Variants in LAMB4 observed in about 807,000 individuals in gnomAD.
LAMB4 encodes laminin subunit beta-4.
In LAMB4, 196 loss-of-function variants were observed where a neutral mutation model predicts 199.2. That is an observed-to-expected ratio of 0.98 (90% CI 0.88 to 1.11). LAMB4 has a LOEUF of 1.11. Among genes scored for constraint, LAMB4 ranks in the 50% least tolerant of loss-of-function variants. LAMB4 has a pLI of 0.00. For synonymous variants in LAMB4, 744 were observed against 770.6 expected, an observed-to-expected ratio of 0.97 and a Z score of 0.57; for missense variants, 2,080 against 2,171.2, an observed-to-expected ratio of 0.96 and a Z score of 0.83.
chr7:108,045,438 G>A (rs2035584974), intron 28 of LAMB4, among the ~76,000 whole-genome samples: 1 of 152,150 alleles, frequency 6.6e-6, no homozygotes, highest in African/African-American at 2.4e-5. Flanking sequence ...GAGGAAAATA[G>A]CACACCATTT....
chr7:108,031,005 G>A (rs2035009544), intron 31 of LAMB4, 26 bp from the exon 32 acceptor site: 1 of 1,595,576 alleles, frequency 6.3e-7, no homozygotes, highest in Non-Finnish European at 8.6e-7. Flanking sequence ...AGACCAAAAA[G>A]GGAAAATCTC....
chr7:108,054,853 G>T (rs766972861), intron 25 of LAMB4, among the ~76,000 whole-genome samples: 2 of 152,008 alleles, frequency 1.3e-5, no homozygotes, highest in East Asian at 1.9e-4. Context: ...CTCAACAAAT[G>T]GTTAAATTTT....
intron 2 of LAMB4, among the ~76,000 whole-genome samples, chr7:108,120,651 T>A (rs1221026091): frequency 6.6e-6 from 1 of 152,254 alleles, no homozygotes; most frequent in Non-Finnish European, 1.5e-5. Context: ...GGAATTGGTA[T>A]CTAGGATAAA....
At chr7:108,110,871 C>T (rs1162679603) in intron 4 of LAMB4, among the ~76,000 whole-genome samples, 1 of 152,156 alleles carries the variant, frequency 6.6e-6, no homozygotes, top group Non-Finnish European at 1.5e-5. Flanking sequence ...AATCATTGGT[C>T]AAGTGGATGA....
chr7:108,070,951 A>T (rs1459075109), intron 17 of LAMB4, among the ~76,000 whole-genome samples: 2 of 152,158 alleles, frequency 1.3e-5, no homozygotes, highest in Non-Finnish European at 2.9e-5. Flanking sequence ...CTGCCTCCCA[A>T]ATTCCAGGCT....
chr7:108,059,268 G>C (rs904664999), intron 23 of LAMB4, among the ~76,000 whole-genome samples: 19 of 151,908 alleles, frequency 1.3e-4, no homozygotes, highest in Admixed American at 7.9e-4. Flanking sequence ...ACCATGCCTG[G>C]CTAATTTTTT....
chr7:108,062,994 C>A lies in LAMB4; in HGVS notation c.3062G>T (p.Arg1021Ile). The change falls in exon 23 of 34, where the codon AGA (arginine) becomes ATA (isoleucine). Residue 1021 changes from arginine to isoleucine, a missense_variant and splice_region_variant. Arg to Ile is a moderately conservative substitution (Grantham distance 97). Coordinates refer to ENST00000388781, the MANE Select transcript of LAMB4 (RefSeq NM_007356.3). ...CACGCCGGAAGCATGGCAGGAGCAT[C>A]CTGTGATGACAAAACCATCATCAGA... is the stretch of plus-strand genomic sequence containing the variant. ...YGSALNQTCR[R>I]CSCHASGVSP... The A allele has an allele frequency of 6.4e-7, 1 of 1,551,794 alleles. No homozygotes were observed. The highest frequency in any genetic ancestry group is 2.3e-5 in the East Asian group (1 of 42,710).
chr7:108,097,735 TA>T (rs1563090173), intron 11 of LAMB4, among the ~76,000 whole-genome samples: 1 of 150,988 alleles, frequency 6.6e-6, no homozygotes, highest in Non-Finnish European at 1.5e-5. Flanking sequence ...AATAAATAAA[TA>T]AACAAACCAC....
intron 26 of LAMB4, among the ~76,000 whole-genome samples, chr7:108,050,662 C>G (rs1330551326): frequency 1.3e-5 from 2 of 152,086 alleles, no homozygotes; most frequent in African/African-American, 4.8e-5. Context: ...GACAACCACA[C>G]CTTATCTTTC....
At chr7:108,042,933 A>ATCTC (rs1247864739) in intron 29 of LAMB4, among the ~76,000 whole-genome samples, 26 of 99,908 alleles carry the variant, frequency 2.6e-4, no homozygotes, top group African/African-American at 1.4e-3. Context: ...CTCTCTCTCA[A>ATCTC]TCTCTGTGTG....
At chr7:108,054,825 CA>C (rs753257817) in intron 25 of LAMB4, among the ~76,000 whole-genome samples, 2 of 151,848 alleles carry the variant, frequency 1.3e-5, no homozygotes, top group Non-Finnish European at 2.9e-5. Context: ...AGCCGTGGCC[CA>C]AAACTATCAA....
Position 108,107,553 on chromosome 7 carries a change from G to A in LAMB4, c.591+78C>T, listed in dbSNP as rs73725335. On this transcript the variant is annotated intron_variant, in intron 6 of 33. Coordinates refer to ENST00000388781, the MANE Select transcript of LAMB4 (RefSeq NM_007356.3). ...AACTTACATTACAGTAAACACTATC[G>A]AAAGTTTTTCATTTAAGTTAATTAT... 3,076 of 1,176,750 alleles carry A rather than the reference G, an allele frequency of 2.6e-3. 55 individuals carry two copies. In the African/African-American group the frequency reaches 0.044, roughly 17 times the overall value. The allele number at this position is 1,176,750 out of a possible 1,614,324, so 72.9% of individuals were successfully genotyped here.
chr7:108,115,960 T>C lies in LAMB4; in HGVS notation c.192+44A>G, dbSNP rs558096611. The C allele has an allele frequency of 6.3e-6, 10 of 1,586,932 alleles. No individual in the cohort carries two copies. The East Asian group carries it at 1.8e-4, about 29-fold the overall frequency. On this transcript the variant is annotated intron_variant, in intron 3 of 33. Coordinates refer to ENST00000388781, the MANE Select transcript of LAMB4 (RefSeq NM_007356.3). ...GGTGTACCTGGAAAAATCTACATCA[T>C]TGATTAAATAATGTCCCAGCAAATA...
intron 33 of LAMB4, among the ~76,000 whole-genome samples, chr7:108,028,145 T>C (rs1245110055): frequency 2.0e-5 from 3 of 152,182 alleles, no homozygotes; most frequent in Non-Finnish European, 4.4e-5. Flanking sequence ...AAAATCCTTG[T>C]CTAGAATATG....
chr7:108,029,309 A>T, intron 32 of LAMB4, 113 bp from the exon 33 acceptor site: 1 of 785,202 alleles, frequency 1.3e-6, no homozygotes, highest in African/African-American at 1.8e-5. Context: ...ACCTTAATCC[A>T]GTCAATACAC....
chr7:108,089,042 A>G (rs1209862885), intron 14 of LAMB4, among the ~76,000 whole-genome samples: 1 of 152,184 alleles, frequency 6.6e-6, no homozygotes, highest in Non-Finnish European at 1.5e-5. Flanking sequence ...GGTTAAATGA[A>G]GGTTGCATAG....
intron 2 of LAMB4, among the ~76,000 whole-genome samples, chr7:108,117,980 T>G (rs2150687120): frequency 1.3e-5 from 2 of 152,320 alleles, no homozygotes; most frequent in Non-Finnish European, 2.9e-5. Flanking sequence ...TATCTTGTGC[T>G]GACCTCCTAT....
intron 33 of LAMB4, among the ~76,000 whole-genome samples, chr7:108,028,472 ATTTTT>A (rs1195925912): frequency 1.8e-5 from 2 of 111,816 alleles, no homozygotes; most frequent in African/African-American, 6.9e-5. Flanking sequence ...AAAAAAGGGC[ATTTTT>A]TTTTTTTTTT....
Position 108,043,801 on chromosome 7 carries a change from TTCAGAG to T in LAMB4, c.4416_4421del (p.Asp1472_Ser1473del). ...TGATGAAAAGATTGATGTTTTCTTCTTCAGAGTCACTTTGGTTTCTTATATTTCCCA... is the reference window on the plus strand; with the variant it reads ...TGATGAAAAGATTGATGTTTTCTTCTTCACTTTGGTTTCTTATATTTCCCA... On this transcript the variant is annotated inframe_deletion, in exon 29 of 34. Coordinates refer to ENST00000388781, the MANE Select transcript of LAMB4 (RefSeq NM_007356.3). 3 of 1,604,480 alleles carry T rather than the reference TTCAGAG, an allele frequency of 1.9e-6. No homozygotes were observed. Among genetic ancestry groups the T allele is most frequent in the Non-Finnish European group, 2.6e-6 (3 of 1,173,292 alleles).
Sources: allele counts gnomAD v4.1 joint callset (sites outside exome capture counted in the v4.1 genomes callset), GRCh38; gene constraint gnomAD v4.1.1; transcripts MANE v1.5; gene names NCBI Gene and HGNC (gene_info 2026-07-23, HGNC 2026-07-21).